Variants in PRPF38B observed in about 807,000 individuals in gnomAD.
PRPF38B encodes the protein pre-mRNA-splicing factor 38B.
Under a neutral mutation model 67.2 loss-of-function variants are expected in PRPF38B, and 18 were observed. The observed-to-expected ratio is 0.27, with a 90% CI of 0.19 to 0.40. The LOEUF (loss-of-function observed/expected upper bound fraction) is 0.40, where lower values mean the gene tolerates loss of function less well. PRPF38B is among the 10% of genes least tolerant of loss of function. The pLI is 1.00. For missense variants in PRPF38B, 544 were observed against 684.9 expected, an observed-to-expected ratio of 0.79 and a Z score of 2.30; for synonymous variants, 246 against 234.2, an observed-to-expected ratio of 1.05 and a Z score of -0.46.
chr1:108,692,391 T>G lies in PRPF38B; in HGVS notation c.-201T>G. The G allele has an allele frequency of 3.3e-6, 2 of 605,638 alleles. No homozygotes were observed. The highest frequency in any genetic ancestry group is 2.8e-6 in the Non-Finnish European group (1 of 353,222). The allele number at this position is 605,638 out of a possible 1,614,324, so 37.5% of individuals were successfully genotyped here. A position where few individuals can be genotyped will look rare whatever the true frequency, so the allele number is the denominator to read the frequency against. Reference sequence around the variant, plus strand: ...CCTTCTGCGTGGAGTTCTCGCGGTCTGGGTTTCGCTGTCTGCTCTTGGCCC... The same window carrying G: ...CCTTCTGCGTGGAGTTCTCGCGGTCGGGGTTTCGCTGTCTGCTCTTGGCCC... On this transcript the variant is annotated 5_prime_UTR_variant, in exon 1 of 6. Transcript: ENST00000370025.
rs576804176 is a variant in PRPF38B at position 108,700,850 on chromosome 1, C to G, written c.*830C>G. The G allele has an allele frequency of 6.6e-6, 1 of 152,442 alleles. No individual in the cohort carries two copies. The highest frequency in any genetic ancestry group is 1.9e-4 in the East Asian group (1 of 5,180). The allele number at this position is 152,442 out of a possible 1,614,324, so 9.4% of individuals were successfully genotyped here. ...TAAAGCCTAGCATTCTTGCAGAACC[C>G]TATACTAACATGTAATGGGGAGAGG... is the stretch of plus-strand genomic sequence containing the variant. On this transcript the variant is annotated 3_prime_UTR_variant, in exon 6 of 6. Coordinates refer to ENST00000370025, the MANE Select transcript of PRPF38B (RefSeq NM_018061.4).
chr1:108,702,480 A>G lies in PRPF38B; in HGVS notation c.*2460A>G, dbSNP rs1375193520. ...GAGGAAAATTATGGTAGGTGTGAGA[A>G]CATGTAAATTGTGCTAGTTATTGCT... On this transcript the variant is annotated 3_prime_UTR_variant, in exon 6 of 6. Coordinates refer to ENST00000370025, the MANE Select transcript of PRPF38B (RefSeq NM_018061.4). Among the ~76,000 whole-genome samples, 3 of 152,202 alleles carry G rather than the reference A, an allele frequency of 2.0e-5. No individual in the cohort carries two copies. The highest frequency in any genetic ancestry group is 4.4e-5 in the Non-Finnish European group (3 of 68,030).
intron 2 of PRPF38B, 101 bp from the exon 3 acceptor site, chr1:108,695,942 C>T (rs995456616): frequency 7.1e-7 from 1 of 1,407,590 alleles, no homozygotes; most frequent in South Asian, 1.3e-5. Flanking sequence ...CTCCTTAGTT[C>T]TGGATTATGG....
At position 108,700,359 on chromosome 1, in the gene PRPF38B, C is replaced by G. The variant is rs1436927348; in HGVS notation, c.*339C>G. 1 of 191,248 alleles carries G rather than the reference C, an allele frequency of 5.2e-6. No individual in the cohort carries two copies. The highest frequency in any genetic ancestry group is 1.1e-5 in the Non-Finnish European group (1 of 93,396). 11.8% of individuals were successfully genotyped at this position (191,248 alleles called of 1,614,324 possible). A position where few individuals can be genotyped will look rare whatever the true frequency, so the allele number is the denominator to read the frequency against. On this transcript the variant is annotated 3_prime_UTR_variant, in exon 6 of 6. Coordinates refer to ENST00000370025, the MANE Select transcript of PRPF38B (RefSeq NM_018061.4). ...ATTTGTATAAGGCAATAAACTGCCACTAATCTATTTTTGTTTTGTAGGTGT... is the reference window on the plus strand; with the variant it reads ...ATTTGTATAAGGCAATAAACTGCCAGTAATCTATTTTTGTTTTGTAGGTGT...
intron 4 of PRPF38B, chr1:108,696,962 A>C (rs138415713): frequency 3.6e-6 from 2 of 555,718 alleles, no homozygotes; most frequent in African/African-American, 3.9e-5. Flanking sequence ...AATCTGAAAT[A>C]CTAAGTTAGA....
chr1:108,698,740 A>G lies in PRPF38B; in HGVS notation c.695A>G (p.Gln232Arg). The change falls in exon 5 of 6, where the codon CAG becomes CGG. Residue 232 changes from glutamine (Q) to arginine (R), a missense_variant. Gln to Arg is a conservative substitution (Grantham distance 43, BLOSUM62 1). Transcript: ENST00000370025. ...PVPVQKNIDQ[Q>R]IKTRPRKIKK... is the part of the protein sequence containing the mutation. ...CCAGTTCAAAAGAATATTGATCAAC[A>G]GATTAAAACCCGACCTAGAAAAATC... The G allele has an allele frequency of 6.2e-7, 1 of 1,614,042 alleles. No homozygotes were observed. The highest frequency in any genetic ancestry group is 8.5e-7 in the Non-Finnish European group (1 of 1,179,932).
chr1:108,695,969 A>G, intron 2 of PRPF38B, 74 bp from the exon 3 acceptor site: 2 of 1,480,104 alleles, frequency 1.4e-6, no homozygotes, highest in East Asian at 4.5e-5. Flanking sequence ...ATTGATACCT[A>G]ACAGGATTAA....
At position 108,700,274 on chromosome 1, in the gene PRPF38B, G is replaced by C; in HGVS notation, c.*254G>C. Reference sequence around the variant, plus strand: ...TTATTGTTTGTTTTTGAAATGTACAGTCTGTACATATGTCCTGAAAATGTT... The same window carrying C: ...TTATTGTTTGTTTTTGAAATGTACACTCTGTACATATGTCCTGAAAATGTT... On this transcript the variant is annotated 3_prime_UTR_variant, in exon 6 of 6. Coordinates refer to ENST00000370025, the MANE Select transcript of PRPF38B (RefSeq NM_018061.4). The C allele has an allele frequency of 2.0e-6, 1 of 505,536 alleles. No individual in the cohort carries two copies. The highest frequency in any genetic ancestry group is 3.1e-6 in the Non-Finnish European group (1 of 322,914). The allele number at this position is 505,536 out of a possible 1,614,324, so 31.3% of individuals were successfully genotyped here.
rs1660445657 is a variant in PRPF38B at position 108,701,080 on chromosome 1, A to G, written c.*1060A>G. Reference sequence around the variant, plus strand: ...AGTATTAAAAGTAATGCTGTGCTGCATTATTTAAGACTATCAGCAAATTAT... The same window carrying G: ...AGTATTAAAAGTAATGCTGTGCTGCGTTATTTAAGACTATCAGCAAATTAT... On this transcript the variant is annotated 3_prime_UTR_variant, in exon 6 of 6. Transcript: ENST00000370025. The G allele has an allele frequency of 6.6e-6, 1 of 152,640 alleles. No homozygotes were observed. The allele number at this position is 152,640 out of a possible 1,614,324, so 9.5% of individuals were successfully genotyped here. A position where few individuals can be genotyped will look rare whatever the true frequency, so the allele number is the denominator to read the frequency against.
rs887329513 is a variant in PRPF38B, at chr1:108,692,333, C to G, written c.-259C>G. The stretch of plus-strand genomic sequence containing the variant: ...CCATCTTGTTCCCAGGGGCAGTTGG[C>G]GGAAGAGATCGAGCTCCCTGGCTGC... On this transcript the variant is annotated 5_prime_UTR_variant, in exon 1 of 6. Coordinates refer to ENST00000370025, the MANE Select transcript of PRPF38B (RefSeq NM_018061.4). 16 of 532,116 alleles carry G rather than the reference C, an allele frequency of 3.0e-5. No homozygotes were observed. In the Admixed American group the frequency reaches 5.5e-4, roughly 18 times the overall value. The allele number at this position is 532,116 out of a possible 1,614,324, so 33.0% of individuals were successfully genotyped here.
Position 108,700,036 on chromosome 1 carries a change from GTGGATCACAT to G in PRPF38B, c.*19_*28del, listed in dbSNP as rs1226594432. ...GACTGTGTGAAAATATTTTGTAAAA[GTGGATCACAT>G]TGAATCCTATAAATGATTAAATCTG... On this transcript the variant is annotated 3_prime_UTR_variant, in exon 6 of 6. Transcript: ENST00000370025. The G allele has an allele frequency of 6.4e-7, 1 of 1,571,500 alleles. No homozygotes were observed. The highest frequency in any genetic ancestry group is 2.2e-5 in the East Asian group (1 of 44,568).
intron 1 of PRPF38B, 79 bp downstream of exon 1, chr1:108,692,946 G>T (rs1570669785): frequency 1.3e-6 from 2 of 1,507,176 alleles, no homozygotes; most frequent in East Asian, 2.3e-5. Flanking sequence ...GGCGGCCCCC[G>T]AAATCTGAAG....
At chr1:108,694,594 CTG>C (rs1460720653) in intron 1 of PRPF38B, among the ~76,000 whole-genome samples, 2 of 152,124 alleles carry the variant, frequency 1.3e-5, no homozygotes, top group African/African-American at 2.4e-5. Context: ...ACATGGCAAT[CTG>C]TGGGGAAGAA....
chr1:108,693,944 A>C (rs1005080268), intron 1 of PRPF38B, among the ~76,000 whole-genome samples: 2 of 152,246 alleles, frequency 1.3e-5, no homozygotes, highest in Non-Finnish European at 2.9e-5. Flanking sequence ...CAGACCGCAC[A>C]AAGTGTTTTC....
rs1008912419 is a variant in PRPF38B at position 108,699,943 on chromosome 1, C to T, written c.1564C>T (p.His522Tyr). The change falls in exon 6 of 6, where the codon CAT (histidine) becomes TAT (tyrosine). Residue 522 changes from histidine to tyrosine, a missense_variant. Coordinates refer to ENST00000370025, the MANE Select transcript of PRPF38B (RefSeq NM_018061.4). Reference sequence around the variant, plus strand: ...TGATAGTAAGGACCAGTCAGACAAACATGATCGTCGAAGGAGCCAAAGTAT... The same window carrying T: ...TGATAGTAAGGACCAGTCAGACAAATATGATCGTCGAAGGAGCCAAAGTAT... ...HSDSKDQSDK[H>Y]DRRRSQSIEQ... 2 of 1,613,704 alleles carry T rather than the reference C, an allele frequency of 1.2e-6. No homozygotes were observed. The highest frequency in any genetic ancestry group is 1.7e-6 in the Non-Finnish European group (2 of 1,179,936).
In PRPF38B at chr1:108,699,588, TAAA is replaced by T. The variant is rs893909854; in HGVS notation, c.1210_1212del (p.Lys404del). 108 of 1,551,096 alleles carry T rather than the reference TAAA, an allele frequency of 7.0e-5. 1 individual carries two copies. Among genetic ancestry groups the T allele is most frequent in the Non-Finnish European group, 8.2e-5 (94 of 1,147,158 alleles). On this transcript the variant is annotated inframe_deletion, in exon 6 of 6. Coordinates refer to ENST00000370025, the MANE Select transcript of PRPF38B (RefSeq NM_018061.4). ...GGGGAGAGGTAGAAGAGAAGAAACA[TAAA>T]GAAGACAAAGATGATAGGCGGCACA...
rs758050880 is a variant in PRPF38B, at chr1:108,699,472, AGAC to A, written c.1096_1098del (p.Arg366del). The A allele has an allele frequency of 6.2e-7, 1 of 1,607,688 alleles. No homozygotes were observed. Among genetic ancestry groups the A allele is most frequent in the Non-Finnish European group, 8.5e-7 (1 of 1,176,650 alleles). ...AGAGAAAGAAAATGAGAGAGGTAGAAGACGAGATCGTGACTATGATAAGGAAAG... is the reference window on the plus strand; with the variant it reads ...AGAGAAAGAAAATGAGAGAGGTAGAAGAGATCGTGACTATGATAAGGAAAG... On this transcript the variant is annotated inframe_deletion, in exon 6 of 6. Transcript: ENST00000370025.
rs548252874 is a variant in PRPF38B, at chr1:108,699,571, G to A, written c.1192G>A (p.Val398Ile). The A allele has an allele frequency of 2.6e-6, 4 of 1,553,156 alleles. No homozygotes were observed. The highest frequency in any genetic ancestry group is 1.7e-6 in the Non-Finnish European group (2 of 1,147,892). Residue 398 changes from valine (V) to isoleucine (I), a missense_variant, in exon 6 of 6, where the codon GTA becomes ATA. This residue lies in a region of PRPF38B where 387 missense variants were observed against 386.1 expected (regional missense o/e 1.00). Coordinates refer to ENST00000370025, the MANE Select transcript of PRPF38B (RefSeq NM_018061.4). ...CAAGGAACAGAGAAGTAGGGGAGAGGTAGAAGAGAAGAAACATAAAGAAGA... is the reference window on the plus strand; with the variant it reads ...CAAGGAACAGAGAAGTAGGGGAGAGATAGAAGAGAAGAAACATAAAGAAGA... The part of the protein sequence containing the change: ...RSKEQRSRGE[V>I]EEKKHKEDKD...
chr1:108,692,556 C>T lies in PRPF38B; in HGVS notation c.-36C>T, dbSNP rs747261446. 9 of 1,498,946 alleles carry T rather than the reference C, an allele frequency of 6.0e-6. No homozygotes were observed. The highest frequency in any genetic ancestry group is 8.0e-6 in the Non-Finnish European group (9 of 1,120,020). 92.9% of individuals were successfully genotyped at this position (1,498,946 alleles called of 1,614,324 possible). A position where few individuals can be genotyped will look rare whatever the true frequency, so the allele number is the denominator to read the frequency against. ...GCGAGATCGAGCTTGGCCCCCTCCC[C>T]CCCCTCCTTCCCTCCCTCCTTCCTT... On this transcript the variant is annotated 5_prime_UTR_variant, in exon 1 of 6. Transcript: ENST00000370025.
Sources: gnomAD v4.1 joint callset for allele counts (sites outside exome capture counted in the v4.1 genomes callset) on GRCh38, gnomAD v4.1.1 for gene constraint, gnomAD v4.1.1 regional missense constraint, MANE v1.5 for transcripts, NCBI Gene and HGNC (gene_info 2026-07-23, HGNC 2026-07-21) for gene names.